The following ABI2 variants were observed in gnomAD, a reference collection of about 807,000 sequenced individuals.
ABI2 encodes the protein abelson interactor 2.
Under a neutral mutation model 59.2 loss-of-function variants are expected in ABI2, and 25 were observed. The observed-to-expected ratio is 0.42, with a 90% CI of 0.31 to 0.59. ABI2 has a LOEUF of 0.59. Ranked by LOEUF, ABI2 falls within the 20% of genes least tolerant of loss-of-function variation. The pLI is 0.14. For synonymous variants in ABI2, 213 were observed against 235.5 expected, an observed-to-expected ratio of 0.90 and a Z score of 0.87; for missense variants, 545 against 681.8, an observed-to-expected ratio of 0.80 and a Z score of 2.23.
chr2:203,376,683 C>T (rs2095706554), intron 2 of ABI2, among the ~76,000 whole-genome samples: 1 of 148,014 alleles, frequency 6.8e-6, no homozygotes, highest in Admixed American at 6.7e-5. Context: ...TAACAATGAC[C>T]CTTTATTTTA....
chr2:203,382,355 G>A (rs2096192458), intron 4 of ABI2, 149 bp downstream of exon 4: 1 of 718,928 alleles, frequency 1.4e-6, no homozygotes, highest in East Asian at 2.8e-5. Flanking sequence ...CAACTTTGTG[G>A]TGTGTCTTCA....
intron 9 of ABI2, among the ~76,000 whole-genome samples, chr2:203,407,856 A>C (rs1372176328): frequency 2.0e-5 from 3 of 152,262 alleles, no homozygotes; most frequent in Admixed American, 6.5e-5. Context: ...AATTCTGCTT[A>C]AATTCACTTA....
rs1237541189 is a variant in ABI2 at position 203,416,930 on chromosome 2, G to A, written c.1302G>A (p.Pro434=). 3 of 1,612,604 alleles carry A rather than the reference G, an allele frequency of 1.9e-6. No individual in the cohort carries two copies. Among genetic ancestry groups the A allele is most frequent in the South Asian group, 1.1e-5 (1 of 90,780 alleles). ...QENISDTPPP[P]PPVEEPVFDE... ...TAGTTTCAGATACACCACCTCCACC[G>A]CCACCTGTGGAAGAACCAGTCTTTG... is the stretch of plus-strand genomic sequence containing the variant. The change falls in exon 11 of 12, where the codon CCG becomes CCA. Residue 434 remains proline, a synonymous_variant. Transcript: ENST00000261018.
At chr2:203,366,470 T>A (rs1559232450) in intron 1 of ABI2, among the ~76,000 whole-genome samples, 1 of 152,216 alleles carries the variant, frequency 6.6e-6, no homozygotes, top group South Asian at 2.1e-4. Flanking sequence ...GACATTATGT[T>A]ATGGCCACAT....
In ABI2 at chr2:203,348,591, T is replaced by A. The variant is rs145076943; in HGVS notation, c.118-18286T>A. ...GGAAATTTTCCCTCAATTAAAAACA[T>A]TCAACAATAATGTAATATCACCTCA... On this transcript the variant is annotated intron_variant, in intron 1 of 11. Transcript: ENST00000261018. 1.2e-4 allele frequency among the ~76,000 whole-genome samples: 19 copies of A among 152,336 alleles called. No homozygotes were observed. In the East Asian group the frequency reaches 3.7e-3, roughly 29 times the overall value.
chr2:203,406,430 A>G (rs1398790963), intron 9 of ABI2, among the ~76,000 whole-genome samples: 1 of 152,208 alleles, frequency 6.6e-6, no homozygotes, highest in Non-Finnish European at 1.5e-5. Context: ...GAGTTTCTGA[A>G]TGGGTATGCT....
At chr2:203,427,099 A>G in intron 11 of ABI2, 78 bp from the exon 12 acceptor site, 1 of 1,265,920 alleles carries the variant, frequency 7.9e-7, no homozygotes, top group Non-Finnish European at 1.1e-6. Flanking sequence ...GGGAACAGAT[A>G]GCTATTCACT....
chr2:203,377,860 C>G (rs779758906), intron 2 of ABI2, among the ~76,000 whole-genome samples: 1 of 152,102 alleles, frequency 6.6e-6, no homozygotes, highest in African/African-American at 2.4e-5. Flanking sequence ...GAGCCATGAT[C>G]GGGCCAGTCC....
intron 1 of ABI2, among the ~76,000 whole-genome samples, chr2:203,364,757 C>T (rs971805642): frequency 3.1e-4 from 45 of 144,078 alleles, no homozygotes; most frequent in Middle Eastern, 3.9e-3. Flanking sequence ...TTTCAAGAGA[C>T]AGGGTCTTGC....
intron 1 of ABI2, chr2:203,328,850 G>A (rs2070407678): frequency 2.9e-6 from 1 of 348,138 alleles, no homozygotes; most frequent in Non-Finnish European, 5.2e-6. Context: ...AGCAGTTCTC[G>A]GCGTGGTGCG....
intron 10 of ABI2, among the ~76,000 whole-genome samples, chr2:203,411,793 A>C (rs2097687348): frequency 6.6e-6 from 1 of 152,178 alleles, no homozygotes; most frequent in Admixed American, 6.5e-5. Flanking sequence ...TCAGAGGACC[A>C]GGCTGCCAGT....
rs2097019820 is a variant in ABI2, at chr2:203,396,916, G to A, written c.982G>A (p.Asp328Asn). 1.3e-6 allele frequency: 2 copies of A among 1,526,138 alleles called. No homozygotes were observed. The highest frequency in any genetic ancestry group is 1.7e-6 in the Non-Finnish European group (2 of 1,143,198). 94.5% of individuals were successfully genotyped at this position (1,526,138 alleles called of 1,614,324 possible). A position where few individuals can be genotyped will look rare whatever the true frequency, so the allele number is the denominator to read the frequency against. The part of the protein sequence containing the change: ...AAAGGAQTLA[D>N]GFTSPTPPVV... ...TGCTGGGGGTGCCCAGACCCTTGCTGATGGCTTCACTTCTCCAACTCCCCC... is the reference window on the plus strand; with the variant it reads ...TGCTGGGGGTGCCCAGACCCTTGCTAATGGCTTCACTTCTCCAACTCCCCC... The change falls in exon 8 of 12, where the codon GAT becomes AAT. Residue 328 changes from aspartate to asparagine, a missense_variant. Asp to Asn is a conservative substitution (Grantham distance 23). Around this residue, in one of 4 missense-constraint regions of ABI2, gnomAD observed 410 missense variants for 435.6 expected, o/e 0.94. Transcript: ENST00000261018.
At position 203,402,623 on chromosome 2, in the gene ABI2, A is replaced by C; in HGVS notation, c.1081A>C (p.Thr361Pro). 1 of 1,603,792 alleles carries C rather than the reference A, an allele frequency of 6.2e-7. No homozygotes were observed. Among genetic ancestry groups the C allele is most frequent in the African/African-American group, 1.3e-5 (1 of 74,348 alleles). Residue 361 changes from threonine (T) to proline (P), a missense_variant, in exon 9 of 12, where the codon ACT (threonine) becomes CCT (proline). Thr to Pro is a conservative substitution (Grantham distance 38). Transcript: ENST00000261018. Reference protein sequence around the residue: ...YSMNRPASRHTPPTIGGSLPY... With the variant: ...YSMNRPASRHPPPTIGGSLPY... ...CATGAATAGGCCTGCCTCTCGCCAT[A>C]CTCCCCCAACAATAGGGGGCTCGTT...
intron 9 of ABI2, among the ~76,000 whole-genome samples, chr2:203,404,008 C>T (rs1243254496): frequency 1.3e-5 from 2 of 152,032 alleles, no homozygotes; most frequent in Non-Finnish European, 2.9e-5. Flanking sequence ...CCACCTCAGC[C>T]TCCCAAAGTG....
In ABI2 at chr2:203,402,593, T is replaced by C; in HGVS notation, c.1051T>C (p.Tyr351His). Reference protein sequence around the residue: ...TPPTGHPVQFYSMNRPASRHT... With the variant: ...TPPTGHPVQFHSMNRPASRHT... ...TTTTTCAGGTCATCCTGTACAGTTC[T>C]ACAGCATGAATAGGCCTGCCTCTCG... The change falls in exon 9 of 12, where the codon TAC (tyrosine) becomes CAC (histidine). Residue 351 changes from tyrosine to histidine, a missense_variant. Transcript: ENST00000261018. 4 of 1,586,458 alleles carry C rather than the reference T, an allele frequency of 2.5e-6. No homozygotes were observed. Among genetic ancestry groups the C allele is most frequent in the Non-Finnish European group, 3.4e-6 (4 of 1,170,726 alleles).
intron 4 of ABI2, among the ~76,000 whole-genome samples, chr2:203,387,076 TC>T (rs769478999): frequency 0.016 from 1,090 of 68,218 alleles, 18 homozygotes; most frequent in African/African-American, 0.065. Flanking sequence ...TTTTTTTTTT[TC>T]CCCACATGCC....
intron 5 of ABI2, 29 bp from the exon 6 acceptor site, chr2:203,394,671 A>G (rs1369447957): frequency 6.2e-7 from 1 of 1,601,588 alleles, no homozygotes; most frequent in Non-Finnish European, 8.5e-7. Flanking sequence ...TTGCTTAATC[A>G]TACAATACAT....
At chr2:203,386,489 T>A in intron 4 of ABI2, 1 of 372,902 alleles carries the variant, frequency 2.7e-6, no homozygotes, top group Non-Finnish European at 3.6e-6. Flanking sequence ...TTGCCCAGTC[T>A]GGAATCCTGT....
chr2:203,395,914 T>C (rs1422327499), intron 7 of ABI2, 134 bp downstream of exon 7: 14 of 1,056,962 alleles, frequency 1.3e-5, no homozygotes, highest in Non-Finnish European at 1.8e-5. Context: ...GAAGTCTATA[T>C]ATTTGTTATT....
Sources: allele counts gnomAD v4.1 joint callset (sites outside exome capture counted in the v4.1 genomes callset), GRCh38; gene constraint gnomAD v4.1.1; regional missense constraint gnomAD v4.1.1; transcripts MANE v1.5; gene names NCBI Gene and HGNC (gene_info 2026-07-23, HGNC 2026-07-21).